The following MYO10 variants were observed in gnomAD, a reference collection of about 807,000 sequenced individuals.
MYO10 encodes myosin X.
A neutral mutation model predicts 257.3 loss-of-function variants in MYO10; 133 were observed. The ratio of observed to expected loss-of-function variants is 0.52; its 90% confidence interval spans 0.45 to 0.60. The LOEUF (loss-of-function observed/expected upper bound fraction) is 0.60. MYO10 is among the 20% of genes least tolerant of loss of function. The pLI is 0.00. For synonymous variants in MYO10, 1,104 were observed against 1,028.6 expected, an observed-to-expected ratio of 1.07 and a Z score of -1.40; for missense variants, 2,399 against 2,635.7, an observed-to-expected ratio of 0.91 and a Z score of 1.97.
At chr5:16,778,722 T>TCA (rs1462042911) in intron 9 of MYO10, among the ~76,000 whole-genome samples, 1 of 142,666 alleles carries the variant, frequency 7.0e-6, no homozygotes, top group Non-Finnish European at 1.5e-5. Context: ...AGACGGAGTC[T>TCA]CGCTGTCTCC....
At chr5:16,765,361 C>T (rs976584821) in intron 11 of MYO10, among the ~76,000 whole-genome samples, 4 of 152,214 alleles carry the variant, frequency 2.6e-5, no homozygotes, top group African/African-American at 7.2e-5. Context: ...TGCCCTAGAA[C>T]ATCGGACTCC....
chr5:16,714,153 G>A (rs1210339291), intron 19 of MYO10, among the ~76,000 whole-genome samples: 4 of 152,040 alleles, frequency 2.6e-5, no homozygotes, highest in Admixed American at 6.6e-5. Context: ...CTTAGATAGC[G>A]GAAAGCCTAA....
Position 16,670,982 on chromosome 5 carries a change from A to G in MYO10, c.5431-4T>C, listed in dbSNP as rs1736430115. 6.2e-7 allele frequency: 1 copy of G among 1,602,650 alleles called. No individual in the cohort carries two copies. The highest frequency in any genetic ancestry group is 1.3e-5 in the African/African-American group (1 of 74,670). ...CATGGATAACCGCTTCGTGGGCCTGAAAGGAGACAGTCAACAGCTTTCCGG... is the reference window on the plus strand; with the variant it reads ...CATGGATAACCGCTTCGTGGGCCTGGAAGGAGACAGTCAACAGCTTTCCGG... On this transcript the variant is annotated splice_region_variant and splice_polypyrimidine_tract_variant and intron_variant, in intron 38 of 40. Coordinates refer to ENST00000513610, the MANE Select transcript of MYO10 (RefSeq NM_012334.3).
At chr5:16,750,564 C>G (rs941796769) in intron 19 of MYO10, among the ~76,000 whole-genome samples, 1 of 152,128 alleles carries the variant, frequency 6.6e-6, no homozygotes, top group East Asian at 1.9e-4. Context: ...CCCACTAGCC[C>G]GGCGAGTGTG....
In MYO10 at chr5:16,757,288, T is replaced by TCACACACACACAAACACACA. The variant is rs1553992909; in HGVS notation, c.1848+810_1848+829dup. ...CTGGGTGACAGAACAAGACCCTGTC[T>TCACACACACACAAACACACA]CACACACACACAAACACACACACAC... On this transcript the variant is annotated intron_variant, in intron 18 of 40. Coordinates refer to ENST00000513610, the MANE Select transcript of MYO10 (RefSeq NM_012334.3). 4.7e-4 allele frequency among the ~76,000 whole-genome samples: 56 copies of TCACACACACACAAACACACA among 118,976 alleles called. 1 individual carries two copies. The highest frequency in any genetic ancestry group is 1.9e-3 in the African/African-American group (54 of 27,740). The allele number at this position is 118,976 out of a possible 152,430, so 78.1% of individuals were successfully genotyped here.
chr5:16,877,274 ACT>A (rs1367808192), intron 2 of MYO10, among the ~76,000 whole-genome samples: 3 of 152,222 alleles, frequency 2.0e-5, no homozygotes, highest in Non-Finnish European at 2.9e-5. Context: ...ATATACTTGA[ACT>A]TTTGCTCAAA....
chr5:16,868,668 C>A (rs537978410), intron 2 of MYO10, among the ~76,000 whole-genome samples: 7 of 152,076 alleles, frequency 4.6e-5, no homozygotes, highest in African/African-American at 7.2e-5. Flanking sequence ...AAGAAGACAA[C>A]TGATTTCTAA....
chr5:16,760,746 T>A (rs1460754523), intron 17 of MYO10, among the ~76,000 whole-genome samples: 2 of 152,008 alleles, frequency 1.3e-5, no homozygotes, highest in African/African-American at 4.8e-5. Flanking sequence ...CCACACTGCT[T>A]AAGATATTAA....
rs1740483544 is a variant in MYO10 at position 16,754,911 on chromosome 5, A to G, written c.1849-3T>C. Reference sequence around the variant, plus strand: ...GCCATTAAGGAATGCAGTGAGTCCTATTAGAAAAAGTATATGTTGATTTAG... The same window carrying G: ...GCCATTAAGGAATGCAGTGAGTCCTGTTAGAAAAAGTATATGTTGATTTAG... On this transcript the variant is annotated splice_polypyrimidine_tract_variant and splice_region_variant and intron_variant, in intron 18 of 40. Coordinates refer to ENST00000513610, the MANE Select transcript of MYO10 (RefSeq NM_012334.3). 1.9e-6 allele frequency: 3 copies of G among 1,570,940 alleles called. No individual in the cohort carries two copies. The highest frequency in any genetic ancestry group is 1.4e-5 in the African/African-American group (1 of 73,420).
At chr5:16,717,995 G>T (rs917696181) in intron 19 of MYO10, among the ~76,000 whole-genome samples, 1 of 152,216 alleles carries the variant, frequency 6.6e-6, no homozygotes, top group African/African-American at 2.4e-5. Flanking sequence ...AGCGCTTGCG[G>T]GCCAGCTGGA....
rs1347080900 is a variant in MYO10, at chr5:16,663,199, T to G, written c.*3493A>C. 3 of 152,062 alleles carry G rather than the reference T, an allele frequency of 2.0e-5. No homozygotes were observed. The highest frequency in any genetic ancestry group is 4.8e-5 in the African/African-American group (2 of 41,408). The allele number at this position is 152,062 out of a possible 1,614,324, so 9.4% of individuals were successfully genotyped here. A position where few individuals can be genotyped will look rare whatever the true frequency, so the allele number is the denominator to read the frequency against. The stretch of plus-strand genomic sequence containing the variant: ...ATGGGGATATATATGTATGTATGAG[T>G]AAATGATTGGACAGCTTAAATTATT... On this transcript the variant is annotated 3_prime_UTR_variant, in exon 41 of 41. Transcript: ENST00000513610.
At chr5:16,839,085 C>T (rs114480356) in intron 2 of MYO10, among the ~76,000 whole-genome samples, 4,626 of 152,224 alleles carry the variant, frequency 0.03, 109 homozygotes, top group Admixed American at 0.08. Context: ...CTGCAGCCCA[C>T]GGATCAAGGA....
chr5:16,820,740 C>CAT (rs1282244337), intron 2 of MYO10, among the ~76,000 whole-genome samples: 1 of 151,976 alleles, frequency 6.6e-6, no homozygotes, highest in East Asian at 1.9e-4. Context: ...TTTATAGATA[C>CAT]ATATTCTGCT....
chr5:16,699,553 G>T lies in MYO10; in HGVS notation c.3453C>A (p.Asp1151Glu). The T allele has an allele frequency of 6.2e-7, 1 of 1,613,610 alleles. No individual in the cohort carries two copies. The highest frequency in any genetic ancestry group is 8.5e-7 in the Non-Finnish European group (1 of 1,179,854). ...AQSSFEDSEEDFDSRFDTDDE... is the reference protein window; with the variant it reads ...AQSSFEDSEEEFDSRFDTDDE... ...CATCTGTATCAAACCTGGAATCAAA[G>T]TCCTCTTCACTATCTTCAAACTGGA... Residue 1151 changes from aspartate (D) to glutamate (E), a missense_variant, in exon 26 of 41, where the codon GAC becomes GAA. Asp to Glu is a conservative substitution (Grantham distance 45). Around this residue, in one of 3 missense-constraint regions of MYO10, gnomAD observed 1,820 missense variants for 1,939.4 expected, o/e 0.94. Coordinates refer to ENST00000513610, the MANE Select transcript of MYO10 (RefSeq NM_012334.3).
intron 1 of MYO10, among the ~76,000 whole-genome samples, chr5:16,888,357 C>T (rs545354753): frequency 2.6e-5 from 4 of 152,156 alleles, no homozygotes; most frequent in African/African-American, 9.7e-5. Context: ...GGTGAGACTT[C>T]ATCTCTACAA....
chr5:16,716,032 G>C (rs1738855175), intron 19 of MYO10, among the ~76,000 whole-genome samples: 1 of 148,306 alleles, frequency 6.7e-6, no homozygotes, highest in African/African-American at 2.5e-5. Context: ...CCCCAGCCTG[G>C]GCAACAGAGT....
chr5:16,917,486 A>G (rs1175791019), intron 1 of MYO10, among the ~76,000 whole-genome samples: 2 of 152,058 alleles, frequency 1.3e-5, no homozygotes, highest in Non-Finnish European at 2.9e-5. Flanking sequence ...AACAACCAGA[A>G]ATGTCTCCTG....
intron 2 of MYO10, among the ~76,000 whole-genome samples, chr5:16,872,037 T>C (rs1744469249): frequency 6.6e-6 from 1 of 152,112 alleles, no homozygotes; most frequent in Non-Finnish European, 1.5e-5. Context: ...AACCCATAAA[T>C]ACTGTTGAAA....
rs148059635 is a variant in MYO10 at position 16,725,688 on chromosome 5, C to G, written c.1930-14443G>C. ...TCACCCTGTGAGGTGGGTAGGGCAG[C>G]CATTAATTAGCATTTTCATTAAATA... On this transcript the variant is annotated intron_variant, in intron 19 of 40. Transcript: ENST00000513610. 1.4e-4 allele frequency among the ~76,000 whole-genome samples: 22 copies of G among 152,242 alleles called. No homozygotes were observed. The East Asian group carries it at 4.1e-3, about 28-fold the overall frequency.
Sources: allele counts gnomAD v4.1 joint callset (sites outside exome capture counted in the v4.1 genomes callset), GRCh38; gene constraint gnomAD v4.1.1; regional missense constraint gnomAD v4.1.1; transcripts MANE v1.5; gene names NCBI Gene and HGNC (gene_info 2026-07-23, HGNC 2026-07-21).